The following MTUS2 variants were observed in gnomAD, a reference collection of about 807,000 sequenced individuals.
MTUS2 encodes microtubule associated scaffold protein 2, also known as microtubule-associated tumor suppressor candidate 2.
A neutral mutation model predicts 114.1 loss-of-function variants in MTUS2; 40 were observed. That is an observed-to-expected ratio of 0.35 (90% CI 0.27 to 0.46). The LOEUF (loss-of-function observed/expected upper bound fraction) is 0.46, where lower values mean the gene tolerates loss of function less well. Among genes scored for constraint, MTUS2 ranks in the 20% least tolerant of loss-of-function variants. The pLI is 1.00. For missense variants in MTUS2, 1,679 were observed against 1,705.4 expected, an observed-to-expected ratio of 0.98 and a Z score of 0.27; for synonymous variants, 688 against 672.0, an observed-to-expected ratio of 1.02 and a Z score of -0.37.
At chr13:28,991,344 T>C (rs1884842218) in intron 2 of MTUS2, among the ~76,000 whole-genome samples, 5 of 151,782 alleles carry the variant, frequency 3.3e-5, no homozygotes, top group African/African-American at 1.2e-4. Flanking sequence ...GTACCAGTTA[T>C]GAAACTCAGG....
intron 10 of MTUS2, 104 bp from the exon 11 acceptor site, chr13:29,487,796 C>G: frequency 2.3e-6 from 2 of 879,630 alleles, no homozygotes; most frequent in Non-Finnish European, 3.8e-6. Context: ...AAGGCTGTGA[C>G]TTGTCATTGA....
intron 5 of MTUS2, among the ~76,000 whole-genome samples, chr13:29,181,788 CTG>C (rs34853883): frequency 0.11 from 16,795 of 146,618 alleles, 982 homozygotes; most frequent in African/African-American, 0.15. Context: ...TTATATACTA[CTG>C]TGTGTGTGTG....
intron 9 of MTUS2, among the ~76,000 whole-genome samples, chr13:29,471,743 C>T (rs1026504677): frequency 9.5e-6 from 1 of 105,784 alleles, no homozygotes; most frequent in African/African-American, 3.7e-5. Flanking sequence ...GCAGGCCCAG[C>T]CCCCCCCGAC....
intron 5 of MTUS2, among the ~76,000 whole-genome samples, chr13:29,274,712 C>A (rs2139514934): frequency 6.6e-6 from 1 of 151,992 alleles, no homozygotes; most frequent in African/African-American, 2.4e-5. Flanking sequence ...GGTTATTTGG[C>A]TTTTTATTGA....
intron 2 of MTUS2, among the ~76,000 whole-genome samples, chr13:28,854,824 C>G (rs1832170260): frequency 6.6e-6 from 1 of 152,148 alleles, no homozygotes; most frequent in Admixed American, 6.5e-5. Flanking sequence ...AATGTCTTCC[C>G]TCCCACTCTC....
At chr13:28,996,795 CTTTA>C (rs1885132266) in intron 2 of MTUS2, among the ~76,000 whole-genome samples, 2 of 152,076 alleles carry the variant, frequency 1.3e-5, no homozygotes, top group African/African-American at 4.8e-5. Flanking sequence ...CTCTTTTCTT[CTTTA>C]TTAGTCTTGC....
At chr13:29,305,938 C>A (rs2139622227) in intron 6 of MTUS2, among the ~76,000 whole-genome samples, 1 of 152,260 alleles carries the variant, frequency 6.6e-6, no homozygotes, top group African/African-American at 2.4e-5. Context: ...GCTTATCCAC[C>A]ATGATCAAGT....
At chr13:29,502,903 C>T in intron 15 of MTUS2, 90 bp from the exon 16 acceptor site, 1 of 1,315,198 alleles carries the variant, frequency 7.6e-7, no homozygotes, top group Non-Finnish European at 1.1e-6. Context: ...GTCATCATGG[C>T]CTCCTCCCTT....
At chr13:29,059,228 A>ATTTTTTTTTTTTTTTTTTTTTTTGTTT (rs35369352) in intron 4 of MTUS2, among the ~76,000 whole-genome samples, 1 of 97,126 alleles carries the variant, frequency 1.0e-5, no homozygotes, top group Non-Finnish European at 1.9e-5. Flanking sequence ...TATTCTTTGG[A>ATTTTTTTTTTTTTTTTTTTTTTTGTTT]TTTTTTTTTT....
chr13:29,329,063 T>C (rs1900650105), intron 7 of MTUS2, among the ~76,000 whole-genome samples: 1 of 152,178 alleles, frequency 6.6e-6, no homozygotes, highest in South Asian at 2.1e-4. Context: ...TATTATTTTA[T>C]GTTGCATGCA....
intron 5 of MTUS2, among the ~76,000 whole-genome samples, chr13:29,204,740 A>G (rs1895111058): frequency 6.6e-6 from 1 of 152,198 alleles, no homozygotes; most frequent in South Asian, 2.1e-4. Context: ...TCCCTTAGAA[A>G]TTCAGCTTCC....
At chr13:28,952,031 A>G (rs1234521666) in intron 2 of MTUS2, among the ~76,000 whole-genome samples, 3 of 152,186 alleles carry the variant, frequency 2.0e-5, no homozygotes, top group African/African-American at 4.8e-5. Context: ...CACCAGTGGC[A>G]AATGCCTGGA....
At position 28,827,604 on chromosome 13, in the gene MTUS2, G is replaced by GCC. The variant is rs368260069; in HGVS notation, c.-316+6997_-316+6998dup. Among the ~76,000 whole-genome samples, 429 of 152,252 alleles carry GCC rather than the reference G, an allele frequency of 2.8e-3. 2 individuals carry two copies. Among genetic ancestry groups the GCC allele is most frequent in the African/African-American group, 9.9e-3 (413 of 41,554 alleles). On this transcript the variant is annotated intron_variant, in intron 1 of 15. Coordinates refer to ENST00000612955, the MANE Select transcript of MTUS2 (RefSeq NM_001033602.4). ...TTTCTTCAGTATCGGGGGAAATTCAGCCCCCAATATTTGACGTGGGTCCTT... is the reference window on the plus strand; with the variant it reads ...TTTCTTCAGTATCGGGGGAAATTCAGCCCCCCCAATATTTGACGTGGGTCCTT...
At chr13:28,865,863 T>C (rs1160533861) in intron 2 of MTUS2, among the ~76,000 whole-genome samples, 1 of 152,168 alleles carries the variant, frequency 6.6e-6, no homozygotes, top group Non-Finnish European at 1.5e-5. Context: ...TGTAATTGCT[T>C]TTCTCTTATG....
At chr13:28,867,802 C>CT (rs1877390302) in intron 2 of MTUS2, among the ~76,000 whole-genome samples, 2 of 152,194 alleles carry the variant, frequency 1.3e-5, no homozygotes, top group South Asian at 4.1e-4. Flanking sequence ...AAGTGGCTGA[C>CT]TGTTGCAGCT....
chr13:29,124,973 G>A (rs1366636690), intron 5 of MTUS2, among the ~76,000 whole-genome samples: 1 of 152,164 alleles, frequency 6.6e-6, no homozygotes, highest in Non-Finnish European at 1.5e-5. Flanking sequence ...GGTATAGAGT[G>A]TCACTTTGGG....
intron 6 of MTUS2, among the ~76,000 whole-genome samples, chr13:29,291,892 C>T (rs1898732314): frequency 6.6e-6 from 1 of 152,224 alleles, no homozygotes; most frequent in South Asian, 2.1e-4. Flanking sequence ...TTTCATCCAA[C>T]TCTAACATCT....
chr13:29,132,193 T>C (rs1445571652), intron 5 of MTUS2, among the ~76,000 whole-genome samples: 1 of 152,202 alleles, frequency 6.6e-6, no homozygotes, highest in East Asian at 1.9e-4. Flanking sequence ...TGGGATAAAG[T>C]AAAATCTTTA....
At chr13:29,144,259 A>G (rs1892341213) in intron 5 of MTUS2, among the ~76,000 whole-genome samples, 1 of 152,216 alleles carries the variant, frequency 6.6e-6, no homozygotes, top group Admixed American at 6.5e-5. Context: ...TCTGTGGGTC[A>G]GGAGTCTGAG....
Sources: gnomAD v4.1 joint callset for allele counts (sites outside exome capture counted in the v4.1 genomes callset) on GRCh38, gnomAD v4.1.1 for gene constraint, MANE v1.5 for transcripts, NCBI Gene and HGNC (gene_info 2026-07-23, HGNC 2026-07-21) for gene names.